The following ETV5 variants were observed in gnomAD, a reference collection of about 807,000 sequenced individuals.
The protein encoded by ETV5 is ETS translocation variant 5.
Under a neutral mutation model 70.0 loss-of-function variants are expected in ETV5, and 10 were observed. That is an observed-to-expected ratio of 0.14 (90% CI 0.09 to 0.24). The LOEUF (loss-of-function observed/expected upper bound fraction) is 0.24, where lower values mean the gene tolerates loss of function less well. ETV5 is among the 10% of genes least tolerant of loss of function. ETV5 has a pLI of 1.00. For synonymous variants in ETV5, 216 were observed against 242.2 expected (o/e 0.89, Z 1.01); for missense variants, 453 against 651.2 (o/e 0.70, Z 3.31).
intron 5 of ETV5, among the ~76,000 whole-genome samples, chr3:186,087,373 T>C (rs1026679561): frequency 4.6e-5 from 7 of 152,004 alleles, no homozygotes; most frequent in Admixed American, 2.0e-4. Context: ...GGCACAGGAG[T>C]CTTCTTATAG....
Position 186,047,500 on chromosome 3 carries a change from T to G in ETV5, c.*1139A>C, listed in dbSNP as rs1163069930. 1 of 232,152 alleles carries G rather than the reference T, an allele frequency of 4.3e-6. No homozygotes were observed. The highest frequency in any genetic ancestry group is 2.2e-5 in the African/African-American group (1 of 45,258). 14.4% of individuals were successfully genotyped at this position (232,152 alleles called of 1,614,324 possible). A position where few individuals can be genotyped will look rare whatever the true frequency, so the allele number is the denominator to read the frequency against. ...CCAGGTTTCCAAAGGACATGACACA[T>G]GTTATATACATATGCTTTCCAGAGA... On this transcript the variant is annotated 3_prime_UTR_variant, in exon 13 of 13. Coordinates refer to ENST00000306376, the MANE Select transcript of ETV5 (RefSeq NM_004454.3).
chr3:186,048,241 A>C lies in ETV5; in HGVS notation c.*398T>G, dbSNP rs1712928963. 3.8e-6 allele frequency: 1 copy of C among 262,736 alleles called. No homozygotes were observed. The highest frequency in any genetic ancestry group is 7.4e-6 in the Non-Finnish European group (1 of 135,968). The allele number at this position is 262,736 out of a possible 1,614,324, so 16.3% of individuals were successfully genotyped here. A position where few individuals can be genotyped will look rare whatever the true frequency, so the allele number is the denominator to read the frequency against. On this transcript the variant is annotated 3_prime_UTR_variant, in exon 13 of 13. Transcript: ENST00000306376. ...TTGTGATTTTTCAACAAATTGTGCA[A>C]ATCAGAGCCCTTCTATGTAAAGGCA... is the stretch of plus-strand genomic sequence containing the variant.
intron 9 of ETV5, among the ~76,000 whole-genome samples, chr3:186,062,482 C>T (rs1259419168): frequency 2.0e-5 from 3 of 152,044 alleles, no homozygotes; most frequent in Admixed American, 1.3e-4. Context: ...ATTAGCTGGG[C>T]GTGGTGGCGC....
chr3:186,066,523 G>C (rs569779608), intron 7 of ETV5, among the ~76,000 whole-genome samples: 5 of 152,114 alleles, frequency 3.3e-5, no homozygotes, highest in African/African-American at 1.2e-4. Flanking sequence ...AGAAAAAAGA[G>C]AGAGAATCCC....
intron 11 of ETV5, among the ~76,000 whole-genome samples, chr3:186,055,810 C>T (rs1247337148): frequency 2.6e-5 from 4 of 152,158 alleles, no homozygotes; most frequent in Non-Finnish European, 5.9e-5. Context: ...CTAAAGCGAG[C>T]CCTAGAGTTA....
rs1163805070 is a variant in ETV5 at position 186,048,041 on chromosome 3, G to T, written c.*598C>A. Reference sequence around the variant, plus strand: ...CGGGTGGTTCCCAAGAGTAGCCATGGTTTATGATTTTGAGAACCACGGAGT... The same window carrying T: ...CGGGTGGTTCCCAAGAGTAGCCATGTTTTATGATTTTGAGAACCACGGAGT... On this transcript the variant is annotated 3_prime_UTR_variant, in exon 13 of 13. Coordinates refer to ENST00000306376, the MANE Select transcript of ETV5 (RefSeq NM_004454.3). The T allele has an allele frequency of 4.3e-6, 1 of 233,428 alleles. No individual in the cohort carries two copies. The highest frequency in any genetic ancestry group is 5.6e-5 in the Admixed American group (1 of 17,794). 14.5% of individuals were successfully genotyped at this position (233,428 alleles called of 1,614,324 possible).
chr3:186,048,904 C>G, intron 12 of ETV5, 44 bp from the exon 13 acceptor site: 1 of 1,530,896 alleles, frequency 6.5e-7, no homozygotes, highest in Non-Finnish European at 9.0e-7. Flanking sequence ...TGGAACAGGG[C>G]ATGGGATCAG....
intron 5 of ETV5, among the ~76,000 whole-genome samples, chr3:186,104,029 G>C (rs916907343): frequency 6.6e-6 from 1 of 152,234 alleles, no homozygotes; most frequent in Non-Finnish European, 1.5e-5. Context: ...AAGCTGGGAA[G>C]AATCTGTTGG....
At chr3:186,056,928 G>C in intron 11 of ETV5, 147 bp downstream of exon 11, 1 of 774,870 alleles carries the variant, frequency 1.3e-6, no homozygotes, top group Non-Finnish European at 2.0e-6. Flanking sequence ...TAATAGGAGG[G>C]ATACAGCCAA....
In ETV5 at chr3:186,047,198, A is replaced by G. The variant is rs1228958589; in HGVS notation, c.*1441T>C. On this transcript the variant is annotated 3_prime_UTR_variant, in exon 13 of 13. Transcript: ENST00000306376. ...CACCAGTAACTTTTCCTCTACTTTG[A>G]GCTCAACTTTCACATAGCTTTAGCT... is the stretch of plus-strand genomic sequence containing the variant. 4.4e-6 allele frequency: 1 copy of G among 228,692 alleles called. No homozygotes were observed. The highest frequency in any genetic ancestry group is 8.7e-6 in the Non-Finnish European group (1 of 114,992). 14.2% of individuals were successfully genotyped at this position (228,692 alleles called of 1,614,324 possible). A position where few individuals can be genotyped will look rare whatever the true frequency, so the allele number is the denominator to read the frequency against.
At chr3:186,068,495 A>G (rs1400749908) in intron 7 of ETV5, among the ~76,000 whole-genome samples, 1 of 152,160 alleles carries the variant, frequency 6.6e-6, no homozygotes, top group Admixed American at 6.5e-5. Context: ...TTAACAAGAT[A>G]GAATAAAAAC....
At chr3:186,049,541 GCAA>G (rs1712973279) in intron 12 of ETV5, among the ~76,000 whole-genome samples, 1 of 152,134 alleles carries the variant, frequency 6.6e-6, no homozygotes, top group African/African-American at 2.4e-5. Flanking sequence ...TGGTTGTTCA[GCAA>G]TAGTACAAGA....
chr3:186,078,465 G>A (rs910864296), intron 7 of ETV5, among the ~76,000 whole-genome samples: 1 of 152,096 alleles, frequency 6.6e-6, no homozygotes, highest in African/African-American at 2.4e-5. Context: ...CCTGCAGGGT[G>A]ATTTTGCCCA....
intron 11 of ETV5, 147 bp downstream of exon 11, chr3:186,056,928 G>A (rs1164783874): frequency 2.6e-6 from 2 of 774,752 alleles, no homozygotes; most frequent in Middle Eastern, 2.3e-4. Context: ...TAATAGGAGG[G>A]ATACAGCCAA....
chr3:186,056,324 G>C (rs188899184), intron 11 of ETV5, among the ~76,000 whole-genome samples: 1 of 152,072 alleles, frequency 6.6e-6, no homozygotes, highest in African/African-American at 2.4e-5. Context: ...TGTCACCCAG[G>C]CTCAATCGAT....
rs10534124 is a variant in ETV5 at position 186,103,620 on chromosome 3, A to AACACACACACACAC, written c.232+1671_232+1684dup. ...TACAAACCCTGTCTTTCATCTTGCA[A>AACACACACACACAC]ACACACACACACACACACACACACA... is the stretch of plus-strand genomic sequence containing the variant. On this transcript the variant is annotated intron_variant, in intron 5 of 12. Transcript: ENST00000306376. 4.7e-3 allele frequency among the ~76,000 whole-genome samples: 675 copies of AACACACACACACAC among 142,948 alleles called. 3 individuals carry two copies. Among genetic ancestry groups the AACACACACACACAC allele is most frequent in the East Asian group, 8.9e-3 (44 of 4,964 alleles). The allele number at this position is 142,948 out of a possible 152,430, so 93.8% of individuals were successfully genotyped here.
Position 186,066,084 on chromosome 3 carries a change from A to G in ETV5, c.651-12T>C. On this transcript the variant is annotated splice_polypyrimidine_tract_variant and intron_variant, in intron 7 of 12. Transcript: ENST00000306376. ...GTTGTCTCTGAAATCTGTAAGAAGA[A>G]AGAGGTTTTCATGTTGAACAAAGAC... 2 of 1,555,868 alleles carry G rather than the reference A, an allele frequency of 1.3e-6. No individual in the cohort carries two copies. The highest frequency in any genetic ancestry group is 1.2e-5 in the South Asian group (1 of 81,854).
At chr3:186,088,828 C>T (rs990538242) in intron 5 of ETV5, among the ~76,000 whole-genome samples, 2 of 152,156 alleles carry the variant, frequency 1.3e-5, no homozygotes, top group African/African-American at 4.8e-5. Flanking sequence ...CTTGTGCTTC[C>T]AACATAGTGC....
intron 7 of ETV5, among the ~76,000 whole-genome samples, chr3:186,068,137 A>G (rs1401300979): frequency 1.3e-5 from 2 of 152,222 alleles, no homozygotes; most frequent in African/African-American, 2.4e-5. Flanking sequence ...TCAGTCACAG[A>G]TGATCAGGTA....
Sources: allele counts gnomAD v4.1 joint callset (sites outside exome capture counted in the v4.1 genomes callset), GRCh38; gene constraint gnomAD v4.1.1; transcripts MANE v1.5; gene names NCBI Gene and HGNC (gene_info 2026-07-23, HGNC 2026-07-21).